The following DTL variants were observed in gnomAD, a reference collection of about 807,000 sequenced individuals.
The protein encoded by DTL is denticleless E3 ubiquitin protein ligase adapter.
DTL carries 46 observed loss-of-function variants against 87.0 expected under a neutral mutation model. The observed-to-expected ratio is 0.53, with a 90% CI of 0.42 to 0.68. DTL has a LOEUF of 0.68. Ranked by LOEUF, DTL falls within the 30% of genes least tolerant of loss-of-function variation. The pLI is 0.00. For synonymous variants in DTL, 308 were observed against 311.2 expected (o/e 0.99, Z 0.11); for missense variants, 737 against 869.4 (o/e 0.85, Z 1.91).
At chr1:212,071,243 T>A (rs1654660784) in intron 10 of DTL, among the ~76,000 whole-genome samples, 1 of 152,224 alleles carries the variant, frequency 6.6e-6, no homozygotes, top group South Asian at 2.1e-4. Context: ...AATACTTTTC[T>A]CTCTGGAGTG....
rs748972548 is a variant in DTL, at chr1:212,100,771, A to G, written c.1781A>G (p.Asn594Ser). 18 of 1,614,060 alleles carry G rather than the reference A, an allele frequency of 1.1e-5. No homozygotes were observed. The East Asian group carries it at 4.0e-4, about 36-fold the overall frequency. The change falls in exon 14 of 15, where the codon AAC (asparagine) becomes AGC (serine). Residue 594 changes from asparagine (N) to serine (S), a missense_variant. Asn to Ser is a conservative substitution (Grantham distance 46, BLOSUM62 1). Transcript: ENST00000366991. Reference sequence around the variant, plus strand: ...TTGGATCTGTGCTGCCTTGCTGGTAACCAGGAAGACCTTAGTAAGGACTCT... The same window carrying G: ...TTGGATCTGTGCTGCCTTGCTGGTAGCCAGGAAGACCTTAGTAAGGACTCT... ...LHLDLCCLAG[N>S]QEDLSKDSLG...
intron 5 of DTL, among the ~76,000 whole-genome samples, chr1:212,053,302 C>T (rs1668055520): frequency 6.6e-6 from 1 of 152,022 alleles, no homozygotes; most frequent in Admixed American, 6.6e-5. Flanking sequence ...GGGTCTGGCA[C>T]TGTTGCCCAG....
intron 5 of DTL, among the ~76,000 whole-genome samples, chr1:212,061,372 A>C (rs762092944): frequency 6.6e-5 from 10 of 152,190 alleles, no homozygotes; most frequent in Non-Finnish European, 1.0e-4. Context: ...ATATCATCTT[A>C]ACCCAGTTAG....
chr1:212,054,421 A>C (rs1484968039), intron 5 of DTL, among the ~76,000 whole-genome samples: 35 of 151,670 alleles, frequency 2.3e-4, no homozygotes, highest in East Asian at 1.7e-3. Flanking sequence ...AAAAAAAAAA[A>C]CACCAAAAAA....
chr1:212,062,679 G>A (rs1654364514), intron 5 of DTL, among the ~76,000 whole-genome samples: 1 of 152,146 alleles, frequency 6.6e-6, no homozygotes, highest in African/African-American at 2.4e-5. Context: ...GTGATTCTAT[G>A]AAGTTTTGGT....
intron 13 of DTL, among the ~76,000 whole-genome samples, chr1:212,091,768 C>T (rs1014830287): frequency 3.9e-5 from 6 of 152,134 alleles, no homozygotes; most frequent in African/African-American, 1.4e-4. Context: ...GAATAACGTA[C>T]TATGTACTTG....
rs146481751 is a variant in DTL at position 212,100,549 on chromosome 1, C to T, written c.1559C>T (p.Ser520Leu). The T allele has an allele frequency of 4.3e-5, 69 of 1,613,918 alleles. No individual in the cohort carries two copies. The highest frequency in any genetic ancestry group is 1.7e-4 in the African/African-American group (13 of 74,896). ...SSSPPITPPA[S>L]ETKIMSPRKA... ...TCACCACCCATCACTCCACCTGCTT[C>T]GGAGACCAAGATCATGTCTCCGAGA... Residue 520 changes from serine to leucine, a missense_variant, in exon 14 of 15, where the codon TCG (serine) becomes TTG (leucine). Transcript: ENST00000366991.
At chr1:212,058,471 T>G (rs894196941) in intron 5 of DTL, among the ~76,000 whole-genome samples, 2 of 151,978 alleles carry the variant, frequency 1.3e-5, no homozygotes, top group African/African-American at 4.8e-5. Flanking sequence ...AGGAAGAAAT[T>G]AAGGAAATTT....
intron 13 of DTL, among the ~76,000 whole-genome samples, chr1:212,082,923 A>G (rs1456729343): frequency 1.3e-5 from 2 of 152,244 alleles, no homozygotes; most frequent in Non-Finnish European, 2.9e-5. Flanking sequence ...TGCAAGTACA[A>G]GTATACTATA....
At chr1:212,042,324 T>G (rs976724696) in intron 1 of DTL, among the ~76,000 whole-genome samples, 1 of 152,196 alleles carries the variant, frequency 6.6e-6, no homozygotes, top group Non-Finnish European at 1.5e-5. Flanking sequence ...CTAAATTCAG[T>G]GAAAATTTAC....
intron 13 of DTL, among the ~76,000 whole-genome samples, chr1:212,084,446 A>G (rs982075976): frequency 3.3e-5 from 5 of 152,070 alleles, no homozygotes; most frequent in Non-Finnish European, 4.4e-5. Context: ...TCAGCCTCCC[A>G]AAGTGCTGGG....
Position 212,042,980 on chromosome 1 carries a change from T to C in DTL, c.53-13T>C. 6.3e-7 allele frequency: 1 copy of C among 1,585,918 alleles called. No individual in the cohort carries two copies. The highest frequency in any genetic ancestry group is 1.8e-5 in the Admixed American group (1 of 54,596). ...GCTGTATTGGAATTCTATAAGGAAT[T>C]ATCTTGTTTTAGGATGGTCTTCACA... On this transcript the variant is annotated splice_polypyrimidine_tract_variant and intron_variant, in intron 1 of 14. Transcript: ENST00000366991.
intron 13 of DTL, among the ~76,000 whole-genome samples, chr1:212,088,486 G>C (rs997622509): frequency 6.6e-6 from 1 of 152,234 alleles, no homozygotes; most frequent in Non-Finnish European, 1.5e-5. Flanking sequence ...ACAGCCATTA[G>C]CTGTGTAAAC....
chr1:212,062,972 T>A lies in DTL; in HGVS notation c.526+23T>A, dbSNP rs777541428. Reference sequence around the variant, plus strand: ...AAGGTTATCTAGATCTATTTTAATTTTGAGAGATTTGGGATTACCCTGTAC... The same window carrying A: ...AAGGTTATCTAGATCTATTTTAATTATGAGAGATTTGGGATTACCCTGTAC... On this transcript the variant is annotated intron_variant, in intron 6 of 14. Coordinates refer to ENST00000366991, the MANE Select transcript of DTL (RefSeq NM_016448.4). The A allele has an allele frequency of 4.4e-6, 7 of 1,579,644 alleles. No homozygotes were observed. In the East Asian group the frequency reaches 1.3e-4, roughly 30 times the overall value.
Position 212,044,735 on chromosome 1 carries a change from G to A in DTL, c.254G>A (p.Ser85Asn). The A allele has an allele frequency of 6.2e-7, 1 of 1,612,622 alleles. No individual in the cohort carries two copies. The highest frequency in any genetic ancestry group is 8.5e-7 in the Non-Finnish European group (1 of 1,179,092). Reference sequence around the variant, plus strand: ...CGATTGTATAACACAGAATCACAAAGTTTCAGAAAGAAGTGCTTCAAAGGT... The same window carrying A: ...CGATTGTATAACACAGAATCACAAAATTTCAGAAAGAAGTGCTTCAAAGGT... Reference protein sequence around the residue: ...FVRLYNTESQSFRKKCFKEWM... With the variant: ...FVRLYNTESQNFRKKCFKEWM... Residue 85 changes from serine to asparagine, a missense_variant, in exon 3 of 15, where the codon AGT becomes AAT. Transcript: ENST00000366991.
In DTL at chr1:212,100,999, G is replaced by A. The variant is rs141160821; in HGVS notation, c.2009G>A (p.Arg670Gln). Residue 670 changes from arginine to glutamine, a missense_variant, in exon 14 of 15, where the codon CGG becomes CAG. Arg to Gln is a conservative substitution (Grantham distance 43). Coordinates refer to ENST00000366991, the MANE Select transcript of DTL (RefSeq NM_016448.4). ...TGGTTGTTGGCCATGGCAGCCAAAC[G>A]GAAGGCTGAGAATCCATCTCCACGA... ...KNWLLAMAAK[R>Q]KAENPSPRSP... The A allele has an allele frequency of 1.1e-5, 17 of 1,613,980 alleles. No individual in the cohort carries two copies. Among genetic ancestry groups the A allele is most frequent in the African/African-American group, 6.7e-5 (5 of 74,908 alleles).
chr1:212,060,225 C>T (rs1268679862), intron 5 of DTL, among the ~76,000 whole-genome samples: 4 of 151,942 alleles, frequency 2.6e-5, no homozygotes, highest in African/African-American at 9.7e-5. Flanking sequence ...CAATCCTAAG[C>T]AAAAAGAATA....
chr1:212,039,811 T>C (rs928178268), intron 1 of DTL, among the ~76,000 whole-genome samples: 6 of 152,112 alleles, frequency 3.9e-5, no homozygotes, highest in Non-Finnish European at 8.8e-5. Context: ...TCAGTAAAAA[T>C]AGGATATAAA....
At chr1:212,065,709 T>C (rs1018606197) in intron 7 of DTL, among the ~76,000 whole-genome samples, 1 of 151,938 alleles carries the variant, frequency 6.6e-6, no homozygotes, top group African/African-American at 2.4e-5. Context: ...TACAGAAAAA[T>C]ATGTTTTTTG....
Sources: gnomAD v4.1 joint callset for allele counts (sites outside exome capture counted in the v4.1 genomes callset) on GRCh38, gnomAD v4.1.1 for gene constraint, MANE v1.5 for transcripts, NCBI Gene and HGNC (gene_info 2026-07-23, HGNC 2026-07-21) for gene names.